Variants in COL4A1 observed in about 807,000 individuals in gnomAD.
The protein encoded by COL4A1 is collagen alpha-1(IV) chain.
Under a neutral mutation model 216.6 loss-of-function variants are expected in COL4A1, and 40 were observed. The ratio of observed to expected loss-of-function variants is 0.18; its 90% CI spans 0.14 to 0.24. COL4A1 has a LOEUF of 0.24. Among genes scored for constraint, COL4A1 ranks in the 10% least tolerant of loss-of-function variants. COL4A1 has a pLI of 1.00. For synonymous variants in COL4A1, 839 were observed against 810.7 expected (o/e 1.03, Z -0.59); for missense variants, 1,628 against 2,196.8 (o/e 0.74, Z 5.18).
chr13:110,243,479 A>C (rs1594083209), intron 1 of COL4A1, among the ~76,000 whole-genome samples: 2 of 152,092 alleles, frequency 1.3e-5, no homozygotes, highest in Admixed American at 6.6e-5. Flanking sequence ...CACCACACCC[A>C]GCTAATTTTT....
In COL4A1 at chr13:110,232,134, T is replaced by C. The variant is rs552642936; in HGVS notation, c.144+10541A>G. Among the ~76,000 whole-genome samples the C allele has an allele frequency of 9.2e-5, 14 of 152,296 alleles. No individual in the cohort carries two copies. The South Asian group carries it at 2.3e-3, about 25-fold the overall frequency. ...TCTCATGTGAGGAAATCCAGAATCA[T>C]TGAATTTGGGGCCAGTTAGCATTAA... On this transcript the variant is annotated intron_variant, in intron 2 of 51. Coordinates refer to ENST00000375820, the MANE Select transcript of COL4A1 (RefSeq NM_001845.6).
At chr13:110,231,226 G>A (rs753472644) in intron 2 of COL4A1, among the ~76,000 whole-genome samples, 1 of 152,226 alleles carries the variant, frequency 6.6e-6, no homozygotes, top group Admixed American at 6.5e-5. Flanking sequence ...GAGTCAAACA[G>A]CGACAAACAG....
rs957135480 is a variant in COL4A1, at chr13:110,223,723, T to C, written c.145-9708A>G. The stretch of plus-strand genomic sequence containing the variant: ...CACAGCAGGAGGCCTTTATCTAATA[T>C]GACAAAGCTGGAAAAAGCCCAGTGG... On this transcript the variant is annotated intron_variant, in intron 2 of 51. Transcript: ENST00000375820. Among the ~76,000 whole-genome samples, 5 of 152,256 alleles carry C rather than the reference T, an allele frequency of 3.3e-5. No homozygotes were observed. The South Asian group carries it at 8.3e-4, about 25-fold the overall frequency.
rs569572339 is a variant in COL4A1 at position 110,275,070 on chromosome 13, T to C, written c.84+31874A>G. Among the ~76,000 whole-genome samples the C allele has an allele frequency of 4.6e-5, 7 of 152,342 alleles. No individual in the cohort carries two copies. In the South Asian group the frequency reaches 1.5e-3, roughly 32 times the overall value. On this transcript the variant is annotated intron_variant, in intron 1 of 51. Coordinates refer to ENST00000375820, the MANE Select transcript of COL4A1 (RefSeq NM_001845.6). ...GAAAGAAAGAATTAACAAGCTGGAC[T>C]TCATTAACATCAAAATGTTCTGCTC...
intron 46 of COL4A1, 124 bp downstream of exon 46, chr13:110,164,738 A>T: frequency 1.4e-6 from 2 of 1,388,890 alleles, no homozygotes; most frequent in Non-Finnish European, 1.9e-6. Context: ...TAAGAAACTC[A>T]TATTCATATG....
At chr13:110,162,686 C>G (rs920619540) in intron 47 of COL4A1, among the ~76,000 whole-genome samples, 1 of 152,010 alleles carries the variant, frequency 6.6e-6, no homozygotes, top group African/African-American at 2.4e-5. Flanking sequence ...AAGCACAGTT[C>G]TCGGTGCAGA....
chr13:110,202,900 A>G lies in COL4A1; in HGVS notation c.999+666T>C, dbSNP rs540860444. On this transcript the variant is annotated intron_variant, in intron 18 of 51. Coordinates refer to ENST00000375820, the MANE Select transcript of COL4A1 (RefSeq NM_001845.6). ...GTTTCTCTTACAAAAATTTTCCTCA[A>G]TGGACCACGTTTTTTTAAAAAAGGT... is the stretch of plus-strand genomic sequence containing the variant. Among the ~76,000 whole-genome samples, 9 of 152,308 alleles carry G rather than the reference A, an allele frequency of 5.9e-5. No homozygotes were observed. In the East Asian group the frequency reaches 1.7e-3, roughly 29 times the overall value.
At chr13:110,288,929 G>A (rs1202651739) in intron 1 of COL4A1, among the ~76,000 whole-genome samples, 1 of 152,350 alleles carries the variant, frequency 6.6e-6, no homozygotes, top group East Asian at 1.9e-4. Flanking sequence ...CTACTCAGGA[G>A]GTGGAGGCAG....
In COL4A1 at chr13:110,178,784, C is replaced by T. The variant is rs1878006039; in HGVS notation, c.2458+139G>A. The T allele has an allele frequency of 1.7e-5, 12 of 699,278 alleles. No individual in the cohort carries two copies. In the East Asian group the frequency reaches 3.3e-4, roughly 19 times the overall value. 43.3% of individuals were successfully genotyped at this position (699,278 alleles called of 1,614,324 possible). Reference sequence around the variant, plus strand: ...AAGCAAACAATCAAACCTATTTTCACAAACTCGAGTTTTATTTTTTTCTCT... The same window carrying T: ...AAGCAAACAATCAAACCTATTTTCATAAACTCGAGTTTTATTTTTTTCTCT... On this transcript the variant is annotated intron_variant, in intron 31 of 51. Coordinates refer to ENST00000375820, the MANE Select transcript of COL4A1 (RefSeq NM_001845.6).
chr13:110,293,883 C>T (rs543453021), intron 1 of COL4A1, among the ~76,000 whole-genome samples: 5 of 152,294 alleles, frequency 3.3e-5, no homozygotes, highest in East Asian at 1.9e-4. Context: ...CTTTGACCTG[C>T]GTTTCCTTGT....
chr13:110,299,552 A>G (rs1224520840), intron 1 of COL4A1, among the ~76,000 whole-genome samples: 1 of 152,214 alleles, frequency 6.6e-6, no homozygotes, highest in Non-Finnish European at 1.5e-5. Context: ...CTCCCTAAGG[A>G]AAGCAACTGC....
chr13:110,206,425 C>T lies in COL4A1; in HGVS notation c.858+240G>A, dbSNP rs630487. ...GGCCCAGGGCTCTTCAGAAGCCTCT[C>T]TGAACAGCCGGCGGTGGCACCTTCA... On this transcript the variant is annotated intron_variant, in intron 15 of 51. Coordinates refer to ENST00000375820, the MANE Select transcript of COL4A1 (RefSeq NM_001845.6). Among the ~76,000 whole-genome samples, 149,375 of 152,320 alleles carry T rather than the reference C, an allele frequency of 0.98. 73,336 individuals are homozygous for T. The highest frequency in any genetic ancestry group is 1 in the Middle Eastern group (294 of 294).
At position 110,232,471 on chromosome 13, in the gene COL4A1, A is replaced by G. The variant is rs568920391; in HGVS notation, c.144+10204T>C. On this transcript the variant is annotated intron_variant, in intron 2 of 51. Transcript: ENST00000375820. Reference sequence around the variant, plus strand: ...TGAATGCTCAAAATATTCTACCAACAAACAGGAGGAAAATCCCATTGCCCA... The same window carrying G: ...TGAATGCTCAAAATATTCTACCAACGAACAGGAGGAAAATCCCATTGCCCA... 9.2e-5 allele frequency among the ~76,000 whole-genome samples: 14 copies of G among 152,294 alleles called. No homozygotes were observed. The East Asian group carries it at 2.7e-3, about 29-fold the overall frequency.
intron 26 of COL4A1, 108 bp downstream of exon 26, chr13:110,186,277 G>T: frequency 1.4e-6 from 2 of 1,385,160 alleles, no homozygotes; most frequent in Non-Finnish European, 2.0e-6. Flanking sequence ...TCAAAGCCAA[G>T]TGTGCGCCCT....
chr13:110,205,894 C>T (rs546947319), intron 15 of COL4A1, among the ~76,000 whole-genome samples: 3 of 151,922 alleles, frequency 2.0e-5, no homozygotes, highest in African/African-American at 7.2e-5. Flanking sequence ...TATATAATAA[C>T]GGATATAACA....
chr13:110,294,802 T>G (rs1003114822), intron 1 of COL4A1, among the ~76,000 whole-genome samples: 67 of 152,224 alleles, frequency 4.4e-4, no homozygotes, highest in African/African-American at 1.4e-3. Context: ...TCTGTATTCA[T>G]CCCATAAATA....
chr13:110,257,486 T>C (rs1335892171), intron 1 of COL4A1, among the ~76,000 whole-genome samples: 1 of 152,238 alleles, frequency 6.6e-6, no homozygotes, highest in Admixed American at 6.5e-5. Flanking sequence ...ACAAGTACAT[T>C]TGTGGTTAAA....
chr13:110,239,248 A>G (rs913713101), intron 2 of COL4A1, among the ~76,000 whole-genome samples: 2 of 152,236 alleles, frequency 1.3e-5, no homozygotes, highest in African/African-American at 2.4e-5. Flanking sequence ...TCTACAGAAT[A>G]TAAGACATTT....
intron 46 of COL4A1, among the ~76,000 whole-genome samples, chr13:110,163,885 T>C (rs1877200783): frequency 6.6e-6 from 1 of 152,154 alleles, no homozygotes; most frequent in Admixed American, 6.5e-5. Context: ...CTCTCAGCCA[T>C]ATACTGGGGT....
Sources: allele counts gnomAD v4.1 joint callset (sites outside exome capture counted in the v4.1 genomes callset), GRCh38; gene constraint gnomAD v4.1.1; transcripts MANE v1.5; gene names NCBI Gene and HGNC (gene_info 2026-07-23, HGNC 2026-07-21).